The following LOXL2 variants were observed in gnomAD, a reference collection of about 807,000 sequenced individuals.
LOXL2 encodes the protein lysyl oxidase like 2.
In LOXL2, 70 loss-of-function variants were observed where a neutral mutation model predicts 93.0. That is an observed-to-expected ratio of 0.75 (90% CI 0.62 to 0.92). The LOEUF (loss-of-function observed/expected upper bound fraction) is 0.92, where lower values mean the gene tolerates loss of function less well. Among genes scored for constraint, LOXL2 ranks in the 40% least tolerant of loss-of-function variants. LOXL2 has a pLI of 0.00. For missense variants in LOXL2, 973 were observed against 1,054.9 expected (o/e 0.92, Z 1.08); for synonymous variants, 438 against 413.2 (o/e 1.06, Z -0.73).
chr8:23,300,228 G>T (rs1452267166), intron 12 of LOXL2, among the ~76,000 whole-genome samples: 2 of 152,232 alleles, frequency 1.3e-5, no homozygotes, highest in African/African-American at 2.4e-5. Context: ...CGTGTGGGGT[G>T]GAGGCGGGGC....
At chr8:23,358,812 T>G (rs1804239934) in intron 3 of LOXL2, among the ~76,000 whole-genome samples, 1 of 151,496 alleles carries the variant, frequency 6.6e-6, no homozygotes, top group African/African-American at 2.4e-5. Context: ...ATATTTTGAG[T>G]CAGCGGGTCA....
intron 3 of LOXL2, among the ~76,000 whole-genome samples, chr8:23,344,549 A>G (rs1391533607): frequency 6.6e-6 from 1 of 151,306 alleles, no homozygotes. Flanking sequence ...GAGCCCCTGT[A>G]TATGTCTCTG....
At chr8:23,341,285 C>G in intron 3 of LOXL2, 82 bp from the exon 4 acceptor site, 1 of 1,162,218 alleles carries the variant, frequency 8.6e-7, no homozygotes, top group South Asian at 1.2e-5. Context: ...ACTTCTTTAG[C>G]GACTATGGGC....
At chr8:23,373,852 C>G (rs1804542385) in intron 1 of LOXL2, among the ~76,000 whole-genome samples, 1 of 152,062 alleles carries the variant, frequency 6.6e-6, no homozygotes, top group South Asian at 2.1e-4. Context: ...GTCTCTCTCC[C>G]TCCCCTGACT....
At chr8:23,339,190 C>A (rs1410864535) in intron 4 of LOXL2, among the ~76,000 whole-genome samples, 1 of 152,148 alleles carries the variant, frequency 6.6e-6, no homozygotes, top group African/African-American at 2.4e-5. Flanking sequence ...ATGACAGGGC[C>A]AAGCTGAGAA....
At chr8:23,309,075 C>T (rs375489636) in intron 10 of LOXL2, among the ~76,000 whole-genome samples, 1 of 151,642 alleles carries the variant, frequency 6.6e-6, no homozygotes, top group East Asian at 1.9e-4. Context: ...ACCTCCGCCT[C>T]CTGGGTTCAC....
intron 13 of LOXL2, 106 bp from the exon 14 acceptor site, chr8:23,298,228 G>A: frequency 2.6e-6 from 2 of 760,320 alleles, no homozygotes; most frequent in South Asian, 1.6e-5. Flanking sequence ...GGCCACCTGT[G>A]TGTGCCCTCC....
At chr8:23,328,591 G>C (rs1308340639) in intron 5 of LOXL2, 26 bp from the exon 6 acceptor site, 3 of 1,610,294 alleles carry the variant, frequency 1.9e-6, no homozygotes, top group Non-Finnish European at 2.5e-6. Context: ...GTCCTGCTGA[G>C]TACAGACGCT....
chr8:23,317,471 C>T (rs1263390553), intron 8 of LOXL2, among the ~76,000 whole-genome samples: 2 of 152,204 alleles, frequency 1.3e-5, no homozygotes, highest in Non-Finnish European at 2.9e-5. Flanking sequence ...AATCACAGCA[C>T]TCTCTCCTCT....
chr8:23,385,794 G>A (rs1051368532), intron 1 of LOXL2: 5 of 593,054 alleles, frequency 8.4e-6, no homozygotes, highest in African/African-American at 1.9e-5. Flanking sequence ...CAATGTTAAA[G>A]ATATATTTTA....
chr8:23,298,414 C>T (rs1803073737), intron 13 of LOXL2, among the ~76,000 whole-genome samples: 1 of 152,216 alleles, frequency 6.6e-6, no homozygotes, highest in South Asian at 2.1e-4. Flanking sequence ...CCTTTTGTTC[C>T]CCAAGTCCTA....
chr8:23,320,106 C>G (rs13254579), intron 7 of LOXL2, 54 bp from the exon 8 acceptor site: 20 of 1,583,400 alleles, frequency 1.3e-5, no homozygotes, highest in South Asian at 1.0e-4. Flanking sequence ...GAGCTTCCCC[C>G]CTACGCTGCC....
chr8:23,321,961 G>GCCAGGC, intron 7 of LOXL2, 169 bp downstream of exon 7: 1 of 721,626 alleles, frequency 1.4e-6, no homozygotes, highest in Non-Finnish European at 2.3e-6. Context: ...CCGGGCCAGG[G>GCCAGGC]CCAGGCCCGA....
intron 5 of LOXL2, 144 bp from the exon 6 acceptor site, chr8:23,328,709 ATGTGTG>A (rs60768341): frequency 1.3e-3 from 583 of 460,192 alleles, no homozygotes; most frequent in East Asian, 5.2e-3. Context: ...TGATGTATGG[ATGTGTG>A]TGTGTGTGTG....
chr8:23,308,671 G>A (rs1803270342), intron 10 of LOXL2, among the ~76,000 whole-genome samples: 1 of 152,228 alleles, frequency 6.6e-6, no homozygotes, highest in Non-Finnish European at 1.5e-5. Flanking sequence ...AGAAACAGAG[G>A]GAAGGTAAGA....
At chr8:23,392,193 C>T (rs1442377998) in intron 1 of LOXL2, among the ~76,000 whole-genome samples, 4 of 152,214 alleles carry the variant, frequency 2.6e-5, no homozygotes, top group Non-Finnish European at 5.9e-5. Context: ...ACCACAGCCA[C>T]ATTTTCAGCT....
At chr8:23,304,665 C>T (rs1015856840) in intron 10 of LOXL2, among the ~76,000 whole-genome samples, 187 of 152,260 alleles carry the variant, frequency 1.2e-3, no homozygotes, top group African/African-American at 4.2e-3. Context: ...ATAACTAATG[C>T]GAAGTGGTAG....
At chr8:23,391,207 G>A (rs1804838882) in intron 1 of LOXL2, among the ~76,000 whole-genome samples, 1 of 151,780 alleles carries the variant, frequency 6.6e-6, no homozygotes, top group Non-Finnish European at 1.5e-5. Context: ...AATGCCTGTT[G>A]GGTTCATATT....
At chr8:23,399,619 T>G (rs1404784117) in intron 1 of LOXL2, among the ~76,000 whole-genome samples, 4 of 152,232 alleles carry the variant, frequency 2.6e-5, no homozygotes, top group Admixed American at 2.0e-4. Context: ...CCTCACCAGG[T>G]ACAGCTCCTG....
Sources: allele counts gnomAD v4.1 joint callset (sites outside exome capture counted in the v4.1 genomes callset), GRCh38; gene constraint gnomAD v4.1.1; transcripts MANE v1.5; gene names NCBI Gene and HGNC (gene_info 2026-07-23, HGNC 2026-07-21).